NID1: variants seen among roughly 807,000 people sequenced by gnomAD.
The protein encoded by NID1 is nidogen 1.
NID1 carries 76 observed loss-of-function variants against 130.6 expected under a neutral mutation model. The ratio of observed to expected loss-of-function variants is 0.58; its 90% confidence interval spans 0.48 to 0.70. NID1 has a LOEUF of 0.70. Ranked by LOEUF, NID1 falls within the 30% of genes least tolerant of loss-of-function variation. The pLI is 0.00. For synonymous variants in NID1, 665 were observed against 675.1 expected, an observed-to-expected ratio of 0.98 and a Z score of 0.23; for missense variants, 1,517 against 1,664.8, an observed-to-expected ratio of 0.91 and a Z score of 1.54.
Position 235,981,636 on chromosome 1 carries a change from C to T in NID1, c.3202G>A (p.Gly1068Ser), listed in dbSNP as rs1331413263. Residue 1068 changes from glycine (G) to serine (S), a missense_variant, in exon 16 of 20, where the codon GGC becomes AGC. Physicochemically the swap from Gly to Ser is moderately conservative, Grantham distance 56. Around this residue, in one of 3 missense-constraint regions of NID1, gnomAD observed 7 missense variants for 24.3 expected, o/e 0.29. Coordinates refer to ENST00000264187, the MANE Select transcript of NID1 (RefSeq NM_002508.3). ...CCTCTCACGGAATCCGTTACAATGC[C>T]TCTGGGATTCACCAAGTCAGTCTCA... is the stretch of plus-strand genomic sequence containing the variant. ...LFETDLVNPR[G>S]IVTDSVRGNL... The T allele has an allele frequency of 1.9e-6, 3 of 1,613,698 alleles. No homozygotes were observed. The highest frequency in any genetic ancestry group is 2.7e-5 in the African/African-American group (2 of 75,028).
intron 9 of NID1, 91 bp from the exon 10 acceptor site, chr1:236,017,364 T>C: frequency 7.1e-7 from 1 of 1,411,644 alleles, no homozygotes; most frequent in Non-Finnish European, 9.7e-7. Flanking sequence ...CACCTAAGAA[T>C]AGATCAATTT....
intron 1 of NID1, 115 bp downstream of exon 1, chr1:236,064,740 G>A (rs2102857023): frequency 3.3e-6 from 3 of 904,576 alleles, no homozygotes; most frequent in African/African-American, 1.8e-5. Context: ...CCGGTGCCCC[G>A]GCGGCCAGCG....
chr1:236,004,761 CA>C (rs61480988), intron 12 of NID1, among the ~76,000 whole-genome samples: 138 of 67,420 alleles, frequency 2.0e-3, no homozygotes, highest in East Asian at 0.017. Flanking sequence ...GACTCTGTCT[CA>C]AAAAAAAAAA....
rs769579229 is a variant in NID1 at position 236,045,531 on chromosome 1, C to T, written c.678G>A (p.Val226=). 3 of 1,614,152 alleles carry T rather than the reference C, an allele frequency of 1.9e-6. No individual in the cohort carries two copies. The highest frequency in any genetic ancestry group is 1.6e-4 in the Middle Eastern group (1 of 6,062). ...CTCCGTTGCTCTTCCATAAGAATCC[C>T]ACTGAACCTTGACTGAATGCAACCA... ...PAVVAFSQGS[V]GFLWKSNGAY... Residue 226 remains valine, a synonymous_variant, in exon 3 of 20, where the codon GTG becomes GTA. Transcript: ENST00000264187.
At position 236,050,626 on chromosome 1, in the gene NID1, C is replaced by T. The variant is rs978348364; in HGVS notation, c.226-1637G>A. Among the ~76,000 whole-genome samples, 4 of 152,114 alleles carry T rather than the reference C, an allele frequency of 2.6e-5. No individual in the cohort carries two copies. The East Asian group carries it at 7.7e-4, about 29-fold the overall frequency. The stretch of plus-strand genomic sequence containing the variant: ...TCCTTGAGAAAATGGGAAGAGGGCC[C>T]CTGAGATACTGTGGCAAACAGCCCC... On this transcript the variant is annotated intron_variant, in intron 1 of 19. Transcript: ENST00000264187.
At chr1:236,058,268 C>T (rs1025039113) in intron 1 of NID1, among the ~76,000 whole-genome samples, 4 of 152,182 alleles carry the variant, frequency 2.6e-5, no homozygotes, top group African/African-American at 9.7e-5. Context: ...AGAAAAAGTT[C>T]CTTTAGCAAA....
intron 6 of NID1, among the ~76,000 whole-genome samples, chr1:236,030,854 A>C (rs996492885): frequency 2.0e-5 from 3 of 152,246 alleles, no homozygotes; most frequent in Non-Finnish European, 4.4e-5. Context: ...GCCCAGCTGA[A>C]GTCCATGTAT....
chr1:236,036,349 T>C (rs1659260247), intron 5 of NID1, among the ~76,000 whole-genome samples: 1 of 152,248 alleles, frequency 6.6e-6, no homozygotes, highest in Non-Finnish European at 1.5e-5. Flanking sequence ...AAAACCTCAC[T>C]TTATCTAATG....
intron 1 of NID1, among the ~76,000 whole-genome samples, chr1:236,063,502 A>C (rs924279946): frequency 7.2e-5 from 11 of 151,946 alleles, no homozygotes; most frequent in African/African-American, 2.4e-4. Context: ...AAATAAATAA[A>C]TAAAGTAAGC....
chr1:236,048,989 C>A lies in NID1; in HGVS notation c.226G>T (p.Val76Phe), dbSNP rs757825304. 1 of 1,612,660 alleles carries A rather than the reference C, an allele frequency of 6.2e-7. No individual in the cohort carries two copies. The highest frequency in any genetic ancestry group is 8.5e-7 in the Non-Finnish European group (1 of 1,179,704). Residue 76 changes from valine to phenylalanine, a missense_variant and splice_region_variant, in exon 2 of 20, where the codon GTC (valine) becomes TTC (phenylalanine). Around this residue, in one of 3 missense-constraint regions of NID1, gnomAD observed 1,329 missense variants for 1,429.2 expected, o/e 0.93. Transcript: ENST00000264187. ...YDRSDIDAVY[V>F]TTNGIIATSE... ...GTAGCAATGATGCCATTTGTGGTGACCTGTACAAAACCAAGTGTGGTTAAA... is the reference window on the plus strand; with the variant it reads ...GTAGCAATGATGCCATTTGTGGTGAACTGTACAAAACCAAGTGTGGTTAAA...
chr1:236,002,241 G>A (rs887955929), intron 12 of NID1, among the ~76,000 whole-genome samples: 1 of 152,206 alleles, frequency 6.6e-6, no homozygotes, highest in Admixed American at 6.5e-5. Context: ...GGTGGCTCAC[G>A]CCTGTAATCC....
At chr1:236,011,703 C>G (rs542474386) in intron 12 of NID1, among the ~76,000 whole-genome samples, 1 of 152,342 alleles carries the variant, frequency 6.6e-6, no homozygotes, top group South Asian at 2.1e-4. Flanking sequence ...CCCGCCTCAC[C>G]TTCTCTCCCA....
Position 235,981,708 on chromosome 1 carries a change from G to C in NID1, c.3130C>G (p.Arg1044Gly), listed in dbSNP as rs1430484571. ...CCGTCCAGCTTCGCCACTTCTATTC[G>C]ATCCAGGTTAGAGTCTGTCCAGAAG... is the stretch of plus-strand genomic sequence containing the variant. Reference protein sequence around the residue: ...NIFWTDSNLDRIEVAKLDGTQ... With the variant: ...NIFWTDSNLDGIEVAKLDGTQ... Residue 1044 changes from arginine to glycine, a missense_variant, in exon 16 of 20, where the codon CGA becomes GGA. Physicochemically the swap from Arg to Gly is moderately radical, Grantham distance 125 (BLOSUM62 -2). Coordinates refer to ENST00000264187, the MANE Select transcript of NID1 (RefSeq NM_002508.3). The C allele has an allele frequency of 1.2e-6, 2 of 1,614,226 alleles. No individual in the cohort carries two copies. The highest frequency in any genetic ancestry group is 8.5e-7 in the Non-Finnish European group (1 of 1,180,040).
At chr1:236,019,907 T>C (rs1405830435) in intron 9 of NID1, among the ~76,000 whole-genome samples, 1 of 151,840 alleles carries the variant, frequency 6.6e-6, no homozygotes, top group African/African-American at 2.4e-5. Context: ...CCAGGCAGCA[T>C]GTGCCTGTAA....
chr1:235,982,483 G>A (rs188958262), intron 15 of NID1, among the ~76,000 whole-genome samples: 1 of 152,264 alleles, frequency 6.6e-6, no homozygotes, highest in African/African-American at 2.4e-5. Flanking sequence ...ATACTTTCAA[G>A]AAACCATAGC....
chr1:235,994,808 T>A (rs958705937), intron 12 of NID1, among the ~76,000 whole-genome samples: 2 of 152,064 alleles, frequency 1.3e-5, no homozygotes, highest in African/African-American at 4.8e-5. Flanking sequence ...GCGATTCTCC[T>A]GCCCTAGGCT....
At chr1:236,017,303 CT>C (rs751409453) in intron 9 of NID1, 30 bp from the exon 10 acceptor site, 21 of 1,607,312 alleles carry the variant, frequency 1.3e-5, no homozygotes, top group South Asian at 4.4e-5. Flanking sequence ...TTACTGCAGG[CT>C]TTTTTTTAAA....
chr1:236,027,032 C>T (rs1372914678), intron 7 of NID1, among the ~76,000 whole-genome samples: 1 of 152,148 alleles, frequency 6.6e-6, no homozygotes, highest in African/African-American at 2.4e-5. Context: ...TGAGGCACTA[C>T]TTCTGGCCAA....
intron 2 of NID1, 95 bp downstream of exon 2, chr1:236,048,595 G>A (rs376054190): frequency 3.7e-6 from 5 of 1,357,472 alleles, no homozygotes; most frequent in East Asian, 4.9e-5. Context: ...TATCAATGGT[G>A]TATAACTTAT....
Sources: allele counts gnomAD v4.1 joint callset (sites outside exome capture counted in the v4.1 genomes callset), GRCh38; gene constraint gnomAD v4.1.1; regional missense constraint gnomAD v4.1.1; transcripts MANE v1.5; gene names NCBI Gene and HGNC (gene_info 2026-07-23, HGNC 2026-07-21).